The following MTCL1 variants were observed in gnomAD, a reference collection of about 807,000 sequenced individuals.
MTCL1 encodes the protein microtubule crosslinking factor 1.
In MTCL1, 79 loss-of-function variants were observed where a neutral mutation model predicts 141.4. That is an observed-to-expected ratio of 0.56 (90% CI 0.47 to 0.67). The LOEUF (loss-of-function observed/expected upper bound fraction) is 0.67, where lower values mean the gene tolerates loss of function less well. Among genes scored for constraint, MTCL1 ranks in the 30% least tolerant of loss-of-function variants. The pLI is 0.00. For missense variants in MTCL1, 2,177 were observed against 2,113.9 expected, an observed-to-expected ratio of 1.03 and a Z score of -0.59; for synonymous variants, 914 against 875.8, an observed-to-expected ratio of 1.04 and a Z score of -0.77.
At chr18:8,774,467 CTTTCT>C (rs1194406930) in intron 4 of MTCL1, among the ~76,000 whole-genome samples, 1 of 151,650 alleles carries the variant, frequency 6.6e-6, no homozygotes, top group African/African-American at 2.4e-5. Context: ...TCTTTCTTTT[CTTTCT>C]TTTCTTTTTC....
At chr18:8,765,947 A>G (rs1158496960) in intron 4 of MTCL1, among the ~76,000 whole-genome samples, 1 of 152,156 alleles carries the variant, frequency 6.6e-6, no homozygotes, top group African/African-American at 2.4e-5. Context: ...GATTGCACAA[A>G]TGGATCTAGA....
chr18:8,791,088 G>T (rs1008001266), intron 7 of MTCL1, among the ~76,000 whole-genome samples: 1 of 152,222 alleles, frequency 6.6e-6, no homozygotes, highest in Non-Finnish European at 1.5e-5. Flanking sequence ...TAGGGAGATT[G>T]TTGCCAGAAC....
chr18:8,789,232 A>C (rs970716088), intron 7 of MTCL1, among the ~76,000 whole-genome samples: 1 of 152,200 alleles, frequency 6.6e-6, no homozygotes, highest in African/African-American at 2.4e-5. Context: ...TGCCAGCCAC[A>C]AGGAAGTTAC....
intron 3 of MTCL1, among the ~76,000 whole-genome samples, chr18:8,719,055 A>G (rs1361120840): frequency 1.3e-5 from 2 of 152,136 alleles, no homozygotes; most frequent in Non-Finnish European, 2.9e-5. Flanking sequence ...GGTTTCTAGG[A>G]TGTAGAAATC....
intron 3 of MTCL1, 66 bp downstream of exon 2, chr18:8,718,714 G>T: frequency 2.0e-6 from 3 of 1,471,508 alleles, no homozygotes; most frequent in Non-Finnish European, 2.8e-6. Context: ...CATGCACGTT[G>T]CCCTGGTGTT....
chr18:8,763,109 T>A (rs1037718870), intron 4 of MTCL1, among the ~76,000 whole-genome samples: 1 of 152,198 alleles, frequency 6.6e-6, no homozygotes, highest in African/African-American at 2.4e-5. Context: ...TACATCCTCA[T>A]TGATAACATG....
intron 4 of MTCL1, among the ~76,000 whole-genome samples, chr18:8,748,814 A>C (rs1193202535): frequency 6.6e-6 from 1 of 152,082 alleles, no homozygotes; most frequent in Admixed American, 6.5e-5. Flanking sequence ...GACTTCAGTG[A>C]AGGAAGCCAT....
chr18:8,775,457 C>T (rs1013621463), intron 4 of MTCL1, among the ~76,000 whole-genome samples: 5 of 151,518 alleles, frequency 3.3e-5, no homozygotes, highest in Admixed American at 6.6e-5. Context: ...CCTGTAATCC[C>T]AGCTACTGGG....
At position 8,785,012 on chromosome 18, in the gene MTCL1, G is replaced by GTT. The variant is rs66769622; in HGVS notation, c.1731+176_1731+177dup. ...GGATCCTCTCTCTTGGTTGGGCTCC[G>GTT]TTTTTTTTGTTTTTTTTTTTTTTAA... On this transcript the variant is annotated intron_variant, in intron 6 of 16. Transcript: ENST00000359865. 1.1e-3 allele frequency among the ~76,000 whole-genome samples: 165 copies of GTT among 146,000 alleles called. 1 individual carries two copies. Among genetic ancestry groups the GTT allele is most frequent in the Admixed American group, 3.9e-3 (58 of 14,838 alleles).
chr18:8,737,618 T>C (rs183340676), intron 4 of MTCL1, among the ~76,000 whole-genome samples: 321 of 152,328 alleles, frequency 2.1e-3, no homozygotes, highest in Non-Finnish European at 3.3e-3. Flanking sequence ...ATCTGGGATC[T>C]CCGTCAGTTT....
chr18:8,831,750 C>T, exon 17 of MTCL1: 1 of 1,550,486 alleles, frequency 6.4e-7, no homozygotes, highest in South Asian at 1.2e-5. Flanking sequence ...ACCCGACGTC[C>T]TTGGAGGAGC....
intron 4 of MTCL1, among the ~76,000 whole-genome samples, chr18:8,726,472 GGAGAGAGAGA>G (rs374393768): frequency 7.6e-6 from 1 of 131,594 alleles, no homozygotes; most frequent in Non-Finnish European, 1.6e-5. Context: ...GAGAATAAGA[GGAGAGAGAGA>G]GAGAGAGAGA....
chr18:8,770,812 T>A (rs1211204776), intron 4 of MTCL1, among the ~76,000 whole-genome samples: 1 of 152,160 alleles, frequency 6.6e-6, no homozygotes, highest in East Asian at 1.9e-4. Flanking sequence ...AAGGAGGGTT[T>A]TCCACTGGAT....
chr18:8,725,359 GT>G (rs940268453), intron 4 of MTCL1, among the ~76,000 whole-genome samples: 4 of 152,162 alleles, frequency 2.6e-5, no homozygotes, highest in African/African-American at 7.2e-5. Flanking sequence ...ATCAGATTTT[GT>G]AATGATTCCT....
At chr18:8,731,316 C>T (rs1431730100) in intron 4 of MTCL1, among the ~76,000 whole-genome samples, 1 of 151,510 alleles carries the variant, frequency 6.6e-6, no homozygotes, top group African/African-American at 2.4e-5. Flanking sequence ...GTTCATGCCT[C>T]TAATCCCAGT....
At chr18:8,730,624 G>A (rs981297665) in intron 4 of MTCL1, among the ~76,000 whole-genome samples, 2 of 152,144 alleles carry the variant, frequency 1.3e-5, no homozygotes, top group Non-Finnish European at 2.9e-5. Context: ...CTTGGACAAC[G>A]CCGGCTTGTC....
At chr18:8,710,012 G>A (rs1331771249) in intron 1 of MTCL1, among the ~76,000 whole-genome samples, 1 of 152,028 alleles carries the variant, frequency 6.6e-6, no homozygotes, top group Non-Finnish European at 1.5e-5. Context: ...GCTAGTTTTT[G>A]AATTTTTAGT....
intron 12 of MTCL1, among the ~76,000 whole-genome samples, chr18:8,817,815 G>A (rs766529305): frequency 2.0e-5 from 3 of 152,206 alleles, no homozygotes; most frequent in Non-Finnish European, 2.9e-5. Context: ...AGTAGTGTGA[G>A]CTTGTCATCC....
intron 4 of MTCL1, among the ~76,000 whole-genome samples, chr18:8,733,159 G>A (rs1388285604): frequency 3.3e-5 from 5 of 152,220 alleles, no homozygotes; most frequent in African/African-American, 1.2e-4. Flanking sequence ...GGGAGCCAGG[G>A]CGCAGGGCAG....
Sources: gnomAD v4.1 joint callset for allele counts (sites outside exome capture counted in the v4.1 genomes callset) on GRCh38, gnomAD v4.1.1 for gene constraint, MANE v1.5 for transcripts, NCBI Gene and HGNC (gene_info 2026-07-23, HGNC 2026-07-21) for gene names.